WWOX: variants seen among roughly 807,000 people sequenced by gnomAD.
WWOX encodes WW domain containing oxidoreductase, also known as WW domain-containing oxidoreductase.
Under a neutral mutation model 46.2 loss-of-function variants are expected in WWOX, and 69 were observed. The observed-to-expected ratio is 1.49, with a 90% CI of 1.23 to 1.82. WWOX has a LOEUF of 1.82. Ranked by LOEUF, WWOX falls within the 40% of genes most tolerant of loss-of-function variation. The probability of loss-of-function intolerance (pLI) is 0.00; values close to 1 mark genes in which losing one functional copy is unlikely to be tolerated. For synonymous variants in WWOX, 359 were observed against 202.6 expected (o/e 1.77, Z -6.56); for missense variants, 919 against 542.6 (o/e 1.69, Z -6.89).
chr16:78,424,230 G>T (rs888957286), intron 6 of WWOX, among the ~76,000 whole-genome samples: 2 of 150,744 alleles, frequency 1.3e-5, no homozygotes, highest in Admixed American at 1.3e-4. Flanking sequence ...TGATTCTCCG[G>T]CCTCAGCCTC....
intron 8 of WWOX, among the ~76,000 whole-genome samples, chr16:78,687,615 G>C (rs955464092): frequency 6.6e-6 from 1 of 152,132 alleles, no homozygotes; most frequent in African/African-American, 2.4e-5. Context: ...TATTTTCTAA[G>C]AGTAATGGTT....
At chr16:78,667,285 C>T (rs1033485357) in intron 8 of WWOX, among the ~76,000 whole-genome samples, 3 of 152,160 alleles carry the variant, frequency 2.0e-5, no homozygotes, top group African/African-American at 7.2e-5. Flanking sequence ...TCTCTTTTAA[C>T]ACCATTTTCA....
At chr16:78,974,222 G>T (rs2046527693) in intron 8 of WWOX, among the ~76,000 whole-genome samples, 1 of 152,198 alleles carries the variant, frequency 6.6e-6, no homozygotes, top group African/African-American at 2.4e-5. Context: ...TCAGAGAACG[G>T]ATTCTTTTGG....
intron 8 of WWOX, among the ~76,000 whole-genome samples, chr16:78,586,406 G>A (rs1291757087): frequency 1.3e-5 from 2 of 152,104 alleles, no homozygotes; most frequent in East Asian, 3.9e-4. Flanking sequence ...AAATGGGGAG[G>A]TAAGGCCAGA....
At chr16:78,244,582 G>A (rs1006620669) in intron 5 of WWOX, among the ~76,000 whole-genome samples, 3 of 152,060 alleles carry the variant, frequency 2.0e-5, no homozygotes, top group Non-Finnish European at 4.4e-5. Flanking sequence ...ACCTTTCCTG[G>A]TCCTTTTGAG....
intron 8 of WWOX, among the ~76,000 whole-genome samples, chr16:78,518,877 T>G (rs979393896): frequency 5.9e-5 from 9 of 152,182 alleles, no homozygotes; most frequent in African/African-American, 2.2e-4. Flanking sequence ...ACCTGCGACA[T>G]CCACATGTGT....
chr16:79,200,955 A>G (rs2051337068), intron 8 of WWOX, among the ~76,000 whole-genome samples: 1 of 152,184 alleles, frequency 6.6e-6, no homozygotes. Flanking sequence ...AGCTGCTTTA[A>G]ACTTGTAAAA....
chr16:78,825,865 G>A, intron 8 of WWOX: 1 of 656,188 alleles, frequency 1.5e-6, no homozygotes. Flanking sequence ...CCGCTGGTAA[G>A]ACTGGCCCTA....
chr16:78,998,579 C>A (rs185336110), intron 8 of WWOX, among the ~76,000 whole-genome samples: 1 of 152,032 alleles, frequency 6.6e-6, no homozygotes, highest in Non-Finnish European at 1.5e-5. Flanking sequence ...AGGAGTTAAT[C>A]GATGTAGTTA....
intron 8 of WWOX, among the ~76,000 whole-genome samples, chr16:78,670,247 G>T (rs182671680): frequency 8.5e-5 from 13 of 152,208 alleles, no homozygotes; most frequent in Middle Eastern, 3.4e-3. Flanking sequence ...TTGAATGCCA[G>T]CCACTCTTCT....
intron 8 of WWOX, among the ~76,000 whole-genome samples, chr16:78,595,637 G>T (rs1376048305): frequency 6.6e-6 from 1 of 152,202 alleles, no homozygotes; most frequent in Admixed American, 6.5e-5. Flanking sequence ...GACCAGTGTG[G>T]ATGTCTTGAT....
intron 8 of WWOX, among the ~76,000 whole-genome samples, chr16:78,658,098 C>A (rs1419758639): frequency 6.6e-6 from 1 of 151,998 alleles, no homozygotes; most frequent in African/African-American, 2.4e-5. Flanking sequence ...CATCACTGGC[C>A]TCTACCCACT....
intron 8 of WWOX, among the ~76,000 whole-genome samples, chr16:78,774,434 G>A (rs1024957898): frequency 6.6e-6 from 1 of 152,084 alleles, no homozygotes; most frequent in Admixed American, 6.5e-5. Context: ...GATGATAGGT[G>A]TTGGAATCCA....
intron 8 of WWOX, among the ~76,000 whole-genome samples, chr16:79,112,153 AG>A (rs1434976329): frequency 6.6e-6 from 1 of 152,058 alleles, no homozygotes; most frequent in African/African-American, 2.4e-5. Context: ...ATGAGAAGCT[AG>A]GGGGTCTCAT....
intron 6 of WWOX, among the ~76,000 whole-genome samples, chr16:78,412,548 G>C (rs1360711154): frequency 6.6e-6 from 1 of 152,162 alleles, no homozygotes; most frequent in African/African-American, 2.4e-5. Flanking sequence ...AAAAGAGGAA[G>C]GGTTGGAGGA....
chr16:78,583,926 A>G (rs766293034), intron 8 of WWOX, among the ~76,000 whole-genome samples: 15 of 152,198 alleles, frequency 9.9e-5, no homozygotes, highest in Non-Finnish European at 1.8e-4. Flanking sequence ...CAAAACTGCT[A>G]TGTGACATTG....
At chr16:79,197,328 A>G (rs1227727337) in intron 8 of WWOX, among the ~76,000 whole-genome samples, 1 of 152,214 alleles carries the variant, frequency 6.6e-6, no homozygotes, top group Non-Finnish European at 1.5e-5. Context: ...AGGGACTGCT[A>G]GAACTGGATC....
chr16:79,209,622 GA>G (rs1181400596), intron 8 of WWOX, among the ~76,000 whole-genome samples: 18 of 152,172 alleles, frequency 1.2e-4, no homozygotes, highest in African/African-American at 4.1e-4. Context: ...AAGGTAAAAT[GA>G]AAATATATGA....
At chr16:78,718,423 G>T (rs772696758) in intron 8 of WWOX, among the ~76,000 whole-genome samples, 3 of 151,840 alleles carry the variant, frequency 2.0e-5, no homozygotes, top group Admixed American at 6.6e-5. Flanking sequence ...ATGTTTTTTT[G>T]CTCACTTGAG....
Sources: allele counts gnomAD v4.1 joint callset (sites outside exome capture counted in the v4.1 genomes callset), GRCh38; gene constraint gnomAD v4.1.1; transcripts MANE v1.5; gene names NCBI Gene and HGNC (gene_info 2026-07-23, HGNC 2026-07-21).